The following SPHKAP variants were observed in gnomAD, a reference collection of about 807,000 sequenced individuals.
SPHKAP encodes the protein A-kinase anchor protein SPHKAP.
SPHKAP carries 67 observed loss-of-function variants against 137.5 expected under a neutral mutation model. That is an observed-to-expected ratio of 0.49 (90% CI 0.40 to 0.60). The LOEUF (loss-of-function observed/expected upper bound fraction) is 0.60, where lower values mean the gene tolerates loss of function less well. Among genes scored for constraint, SPHKAP ranks in the 20% least tolerant of loss-of-function variants. SPHKAP has a pLI of 0.00. For synonymous variants in SPHKAP, 813 were observed against 785.3 expected, an observed-to-expected ratio of 1.04 and a Z score of -0.59; for missense variants, 2,097 against 2,069.3, an observed-to-expected ratio of 1.01 and a Z score of -0.26.
At chr2:228,062,163 T>C (rs1343653976) in intron 3 of SPHKAP, among the ~76,000 whole-genome samples, 3 of 151,748 alleles carry the variant, frequency 2.0e-5, no homozygotes, top group Non-Finnish European at 4.4e-5. Context: ...GACCTTTTTT[T>C]TTAATTTTTC....
chr2:228,076,373 A>G (rs977909731), intron 3 of SPHKAP, among the ~76,000 whole-genome samples: 25 of 151,796 alleles, frequency 1.6e-4, no homozygotes, highest in African/African-American at 5.1e-4. Flanking sequence ...ACAGTTTGGA[A>G]GGCTCAGAAG....
At chr2:228,109,014 T>G in intron 2 of SPHKAP, 75 bp from the exon 3 acceptor site, 1 of 1,015,830 alleles carries the variant, frequency 9.8e-7, no homozygotes, top group Non-Finnish European at 1.4e-6. Flanking sequence ...TCTCTTTTTT[T>G]TTTTTCTTAT....
chr2:228,099,823 T>C (rs1172294939), intron 3 of SPHKAP, among the ~76,000 whole-genome samples: 3 of 151,238 alleles, frequency 2.0e-5, no homozygotes, highest in Non-Finnish European at 2.9e-5. Flanking sequence ...TTGAGTATTA[T>C]TGGTGTACAG....
chr2:228,017,257 C>G lies in SPHKAP; in HGVS notation c.3597G>C (p.Leu1199=), dbSNP rs1694641056. 4.3e-6 allele frequency: 7 copies of G among 1,614,078 alleles called. No individual in the cohort carries two copies. The highest frequency in any genetic ancestry group is 5.9e-6 in the Non-Finnish European group (7 of 1,180,036). ...CTCTGCTGTCTCTTTCGATGTCCCT[C>G]AGCATGTACCTGTAGAACTCCTCAG... The part of the protein sequence containing the change: ...SITEEFYRYM[L]RDIERDSRES... The change falls in exon 7 of 12, where the codon CTG becomes CTC. Residue 1199 remains leucine (L), a synonymous_variant. Transcript: ENST00000392056.
chr2:228,166,806 A>G (rs1383393236), intron 1 of SPHKAP, among the ~76,000 whole-genome samples: 1 of 152,226 alleles, frequency 6.6e-6, no homozygotes, highest in Admixed American at 6.5e-5. Flanking sequence ...TGATTTATAA[A>G]GAAAGCAGGT....
intron 1 of SPHKAP, among the ~76,000 whole-genome samples, chr2:228,168,500 T>C (rs2106423943): frequency 6.6e-6 from 1 of 152,314 alleles, no homozygotes; most frequent in Middle Eastern, 3.4e-3. Flanking sequence ...TGATCTGTGA[T>C]TAGTGATCTT....
chr2:228,038,416 T>C (rs563897702), intron 3 of SPHKAP, among the ~76,000 whole-genome samples: 18 of 152,192 alleles, frequency 1.2e-4, no homozygotes, highest in African/African-American at 4.3e-4. Context: ...GTGACTAAAA[T>C]GATAAAACCT....
At chr2:228,050,140 A>G (rs899009151) in intron 3 of SPHKAP, among the ~76,000 whole-genome samples, 1 of 152,234 alleles carries the variant, frequency 6.6e-6, no homozygotes, top group African/African-American at 2.4e-5. Context: ...CCACAATGAG[A>G]TACCATCTCA....
chr2:228,056,054 T>C (rs1696429757), intron 3 of SPHKAP, among the ~76,000 whole-genome samples: 1 of 152,234 alleles, frequency 6.6e-6, no homozygotes, highest in South Asian at 2.1e-4. Flanking sequence ...CATATATTCC[T>C]TCTCATCTTT....
At chr2:228,005,630 G>GT (rs1694099394) in intron 7 of SPHKAP, among the ~76,000 whole-genome samples, 1 of 152,228 alleles carries the variant, frequency 6.6e-6, no homozygotes, top group South Asian at 2.1e-4. Context: ...AGTTGATGCA[G>GT]TTTATTCCTA....
chr2:228,177,733 A>G (rs1700783761), intron 1 of SPHKAP, among the ~76,000 whole-genome samples: 2 of 152,286 alleles, frequency 1.3e-5, no homozygotes, highest in South Asian at 2.1e-4. Context: ...GATTCTGATG[A>G]GTTTTAGTGA....
chr2:228,017,688 C>T lies in SPHKAP; in HGVS notation c.3166G>A (p.Asp1056Asn). ...TAGCCCTGCGCCTGCCACATGCCGT[C>T]CACCATAGAGAACTCCGTTAGGTTC... ...IMNLTEFSMVDGMWQAQGYPR... is the reference protein window; with the variant it reads ...IMNLTEFSMVNGMWQAQGYPR... Residue 1056 changes from aspartate (D) to asparagine (N), a missense_variant, in exon 7 of 12, where the codon GAC becomes AAC. Physicochemically the swap from Asp to Asn is conservative, Grantham distance 23. Transcript: ENST00000392056. 6.2e-7 allele frequency: 1 copy of T among 1,614,032 alleles called. No homozygotes were observed. Among genetic ancestry groups the T allele is most frequent in the South Asian group, 1.1e-5 (1 of 91,060 alleles).
intron 1 of SPHKAP, among the ~76,000 whole-genome samples, chr2:228,168,397 A>T (rs187122746): frequency 3.9e-5 from 6 of 152,290 alleles, no homozygotes; most frequent in Admixed American, 3.9e-4. Flanking sequence ...ATTTTTCCAA[A>T]CAACATGTGT....
intron 2 of SPHKAP, among the ~76,000 whole-genome samples, chr2:228,115,429 C>A (rs1230826509): frequency 6.6e-6 from 1 of 152,132 alleles, no homozygotes; most frequent in Non-Finnish European, 1.5e-5. Context: ...GGACAATTCT[C>A]CCAGTTACCC....
intron 11 of SPHKAP, among the ~76,000 whole-genome samples, chr2:227,985,905 C>CT (rs1281659196): frequency 1.3e-5 from 2 of 152,174 alleles, no homozygotes; most frequent in Non-Finnish European, 2.9e-5. Context: ...TTGCATTAAG[C>CT]ATAAGTGAGT....
At chr2:228,059,634 G>A (rs937058218) in intron 3 of SPHKAP, among the ~76,000 whole-genome samples, 2 of 152,154 alleles carry the variant, frequency 1.3e-5, no homozygotes, top group African/African-American at 4.8e-5. Context: ...TCCAATTCTT[G>A]TCTTTAGGTA....
At chr2:228,007,490 C>T (rs532112440) in intron 7 of SPHKAP, among the ~76,000 whole-genome samples, 23 of 152,186 alleles carry the variant, frequency 1.5e-4, no homozygotes, top group African/African-American at 5.5e-4. Context: ...AGTCCCCAGC[C>T]TCTGGAAATC....
intron 1 of SPHKAP, among the ~76,000 whole-genome samples, chr2:228,152,719 C>CTT (rs36033637): frequency 8.4e-4 from 122 of 144,734 alleles, no homozygotes; most frequent in Non-Finnish European, 1.4e-3. Context: ...GTTATACCTT[C>CTT]TTTTTTTTTT....
chr2:228,064,753 G>C (rs540948128), intron 3 of SPHKAP, among the ~76,000 whole-genome samples: 1 of 152,344 alleles, frequency 6.6e-6, no homozygotes, highest in South Asian at 2.1e-4. Context: ...AACTGATAAA[G>C]AACACAAGTA....
Sources: allele counts gnomAD v4.1 joint callset (sites outside exome capture counted in the v4.1 genomes callset), GRCh38; gene constraint gnomAD v4.1.1; transcripts MANE v1.5; gene names NCBI Gene and HGNC (gene_info 2026-07-23, HGNC 2026-07-21).